ST6GALNAC5: variants seen among roughly 807,000 people sequenced by gnomAD.
The protein encoded by ST6GALNAC5 is ST6 N-acetylgalactosaminide alpha-2,6-sialyltransferase 5.
In ST6GALNAC5, 27 loss-of-function variants were observed where a neutral mutation model predicts 33.6. That is an observed-to-expected ratio of 0.80 (90% CI 0.59 to 1.11). The LOEUF is 1.11. Among genes scored for constraint, ST6GALNAC5 ranks in the 50% least tolerant of loss-of-function variants. The probability of loss-of-function intolerance (pLI) is 0.00; values close to 1 mark genes in which losing one functional copy is unlikely to be tolerated. For synonymous variants in ST6GALNAC5, 194 were observed against 171.2 expected (o/e 1.13, Z -1.04); for missense variants, 428 against 454.0 (o/e 0.94, Z 0.52).
chr1:76,954,207 A>C (rs1647861388), intron 2 of ST6GALNAC5, among the ~76,000 whole-genome samples: 2 of 152,180 alleles, frequency 1.3e-5, no homozygotes, highest in Non-Finnish European at 2.9e-5. Context: ...CTTAAAAAGG[A>C]GCGAGATTAT....
intron 2 of ST6GALNAC5, among the ~76,000 whole-genome samples, chr1:76,914,163 C>G (rs1328741782): frequency 6.6e-6 from 1 of 152,152 alleles, no homozygotes; most frequent in African/African-American, 2.4e-5. Flanking sequence ...AGGAGAACTA[C>G]AAACCACTGC....
chr1:76,868,612 A>G lies in ST6GALNAC5; in HGVS notation c.131A>G (p.Gln44Arg), dbSNP rs911149345. 1 of 1,611,294 alleles carries G rather than the reference A, an allele frequency of 6.2e-7. No homozygotes were observed. Among genetic ancestry groups the G allele is most frequent in the Non-Finnish European group, 8.5e-7 (1 of 1,179,234 alleles). The change falls in exon 2 of 5, where the codon CAG (glutamine) becomes CGG (arginine). Residue 44 changes from glutamine (Q) to arginine (R), a missense_variant. Physicochemically the swap from Gln to Arg is conservative, Grantham distance 43 (BLOSUM62 1). Coordinates refer to ENST00000477717, the MANE Select transcript of ST6GALNAC5 (RefSeq NM_030965.3). This position sits in a 1 kb window ranked among gnomAD's most constrained non-coding sequence, Gnocchi z 4.3. ...CCCCCGCAGCAGCAGCAGCAGCAGC[A>G]GCAACAGCAGCAGCAGGCGTCGGCC... The part of the protein sequence containing the change: ...ERPPQQQQQQ[Q>R]QQQQQASATG...
At chr1:76,877,056 A>G (rs1052041249) in intron 2 of ST6GALNAC5, among the ~76,000 whole-genome samples, 8 of 152,138 alleles carry the variant, frequency 5.3e-5, no homozygotes, top group Non-Finnish European at 8.8e-5. Context: ...TTTTGGCTGG[A>G]TGGGCCAGAA....
rs534431328 is a variant in ST6GALNAC5 at position 76,950,914 on chromosome 1, G to A, written c.261+82172G>A. ...AAAATGCTTAGTAGTAGGTGAAGAC[G>A]AGGAATGTGACTAATCTCACGAACC... On this transcript the variant is annotated intron_variant, in intron 2 of 4. Coordinates refer to ENST00000477717, the MANE Select transcript of ST6GALNAC5 (RefSeq NM_030965.3). 7.7e-4 allele frequency among the ~76,000 whole-genome samples: 117 copies of A among 152,088 alleles called. 1 individual carries two copies. The highest frequency in any genetic ancestry group is 2.7e-3 in the African/African-American group (110 of 41,508).
Position 76,868,922 on chromosome 1 carries a change from A to G in ST6GALNAC5, c.261+180A>G. 1 of 1,039,762 alleles carries G rather than the reference A, an allele frequency of 9.6e-7. No individual in the cohort carries two copies. The highest frequency in any genetic ancestry group is 1.3e-6 in the Non-Finnish European group (1 of 760,918). 64.4% of individuals were successfully genotyped at this position (1,039,762 alleles called of 1,614,324 possible). ...ACTTGGTATGAATTCTTATTTGGAG[A>G]AAGACACAAAGTTTTGTAGAAAATA... On this transcript the variant is annotated intron_variant, in intron 2 of 4. Coordinates refer to ENST00000477717, the MANE Select transcript of ST6GALNAC5 (RefSeq NM_030965.3). This position sits in a 1 kb window ranked among gnomAD's most constrained non-coding sequence, Gnocchi z 4.3.
At chr1:77,026,996 C>T (rs959835945) in intron 2 of ST6GALNAC5, among the ~76,000 whole-genome samples, 1 of 152,198 alleles carries the variant, frequency 6.6e-6, no homozygotes, top group Non-Finnish European at 1.5e-5. Flanking sequence ...AGTGTAGGTG[C>T]TCCCCCAGGT....
At chr1:77,005,632 T>C (rs1650379607) in intron 2 of ST6GALNAC5, among the ~76,000 whole-genome samples, 1 of 152,222 alleles carries the variant, frequency 6.6e-6, no homozygotes, top group Non-Finnish European at 1.5e-5. Context: ...GTGCAACCAA[T>C]ACCACTATCC....
chr1:77,046,879 G>C (rs991694893), intron 3 of ST6GALNAC5, among the ~76,000 whole-genome samples: 1 of 152,142 alleles, frequency 6.6e-6, no homozygotes, highest in Non-Finnish European at 1.5e-5. Flanking sequence ...TGGACTCCTT[G>C]AGAAATCATT....
chr1:76,990,983 G>GT lies in ST6GALNAC5; in HGVS notation c.262-53220dup, dbSNP rs528209494. ...TGGAAAGGAGCTTCAGCCTTCAGTA[G>GT]TGGGCTATAGGCTGTAGAAGGAGGG... On this transcript the variant is annotated intron_variant, in intron 2 of 4. Coordinates refer to ENST00000477717, the MANE Select transcript of ST6GALNAC5 (RefSeq NM_030965.3). 1.3e-3 allele frequency among the ~76,000 whole-genome samples: 194 copies of GT among 152,258 alleles called. 1 individual carries two copies. The highest frequency in any genetic ancestry group is 4.3e-3 in the African/African-American group (177 of 41,554).
intron 2 of ST6GALNAC5, among the ~76,000 whole-genome samples, chr1:77,001,509 G>A (rs1179906408): frequency 7.1e-6 from 1 of 141,674 alleles, no homozygotes; most frequent in Non-Finnish European, 1.5e-5. Context: ...AATTGCCCTG[G>A]CCAGAACTTC....
At chr1:76,959,959 G>A (rs1648160816) in intron 2 of ST6GALNAC5, among the ~76,000 whole-genome samples, 2 of 152,192 alleles carry the variant, frequency 1.3e-5, no homozygotes, top group African/African-American at 4.8e-5. Flanking sequence ...GATAAGAAAA[G>A]AAAGACACCT....
At chr1:76,959,153 A>T (rs1402644976) in intron 2 of ST6GALNAC5, among the ~76,000 whole-genome samples, 2 of 152,124 alleles carry the variant, frequency 1.3e-5, no homozygotes, top group African/African-American at 4.8e-5. Flanking sequence ...TATGTTGTAG[A>T]CAGGGGTTAT....
At chr1:77,010,172 A>G (rs1386201437) in intron 2 of ST6GALNAC5, among the ~76,000 whole-genome samples, 1 of 152,150 alleles carries the variant, frequency 6.6e-6, no homozygotes, top group Non-Finnish European at 1.5e-5. Context: ...GTGTTAACTC[A>G]GTGATAGGGC....
intron 2 of ST6GALNAC5, among the ~76,000 whole-genome samples, chr1:76,959,204 TCAGAGAA>T (rs1648133362): frequency 6.6e-6 from 1 of 152,240 alleles, no homozygotes; most frequent in Non-Finnish European, 1.5e-5. Flanking sequence ...TCTGTAGGTT[TCAGAGAA>T]CATGTGTGGA....
chr1:77,054,564 C>T (rs1421788194), intron 4 of ST6GALNAC5, among the ~76,000 whole-genome samples: 1 of 152,134 alleles, frequency 6.6e-6, no homozygotes, highest in Non-Finnish European at 1.5e-5. Context: ...AGAATCATCA[C>T]CTTATTATTG....
intron 2 of ST6GALNAC5, among the ~76,000 whole-genome samples, chr1:76,945,316 A>T (rs1390767623): frequency 6.6e-6 from 1 of 152,152 alleles, no homozygotes; most frequent in Non-Finnish European, 1.5e-5. Flanking sequence ...TAGTGTTTTG[A>T]TTAGACCAGA....
At chr1:76,972,988 G>A (rs1384783116) in intron 2 of ST6GALNAC5, among the ~76,000 whole-genome samples, 2 of 151,898 alleles carry the variant, frequency 1.3e-5, no homozygotes, top group Non-Finnish European at 2.9e-5. Context: ...TTGGTCTGTT[G>A]GTCCTTATTG....
At chr1:76,869,272 G>A (rs1296298181) in intron 2 of ST6GALNAC5, among the ~76,000 whole-genome samples, 1 of 152,206 alleles carries the variant, frequency 6.6e-6, no homozygotes, top group Non-Finnish European at 1.5e-5. Context: ...GGCAGGCATG[G>A]AAGACTTGAG....
At chr1:77,062,449 T>C (rs1652609607) in intron 4 of ST6GALNAC5, among the ~76,000 whole-genome samples, 1 of 152,036 alleles carries the variant, frequency 6.6e-6, no homozygotes, top group South Asian at 2.1e-4. Flanking sequence ...GGATGAGCTT[T>C]GTAGAGTTGA....
Sources: gnomAD v4.1 joint callset for allele counts (sites outside exome capture counted in the v4.1 genomes callset) on GRCh38, gnomAD v4.1.1 for gene constraint, Gnocchi (gnomAD v3.1) non-coding constraint, MANE v1.5 for transcripts, NCBI Gene and HGNC (gene_info 2026-07-23, HGNC 2026-07-21) for gene names.